The following LAIR1 variants were observed in gnomAD, a reference collection of about 807,000 sequenced individuals.
LAIR1 encodes the protein leukocyte-associated immunoglobulin-like receptor 1.
Under a neutral mutation model 32.8 loss-of-function variants are expected in LAIR1, and 24 were observed. That is an observed-to-expected ratio of 0.73 (90% CI 0.53 to 1.03). The LOEUF (loss-of-function observed/expected upper bound fraction) is 1.03. Among genes scored for constraint, LAIR1 ranks in the 50% least tolerant of loss-of-function variants. The pLI is 0.00. For missense variants in LAIR1, 355 were observed against 347.5 expected, an observed-to-expected ratio of 1.02 and a Z score of -0.17; for synonymous variants, 150 against 140.5, an observed-to-expected ratio of 1.07 and a Z score of -0.48.
Position 54,364,719 on chromosome 19 carries a change from T to C in LAIR1, c.34+52A>G. 1 of 1,510,956 alleles carries C rather than the reference T, an allele frequency of 6.6e-7. No homozygotes were observed. Among genetic ancestry groups the C allele is most frequent in the Non-Finnish European group, 9.2e-7 (1 of 1,090,164 alleles). 93.6% of individuals were successfully genotyped at this position (1,510,956 alleles called of 1,614,324 possible). On this transcript the variant is annotated intron_variant, in intron 1 of 9. Transcript: ENST00000391742. The surrounding 1 kb of genome is among the most constrained non-coding windows in gnomAD (Gnocchi z 4.8). ...TAGAGTCAGGCTTGAGCAGGGAATT[T>C]TCCAGACCTCCCGACCCCCTTTCCA...
chr19:54,360,560 G>A (rs1235294927), intron 3 of LAIR1: 3 of 426,750 alleles, frequency 7.0e-6, no homozygotes, highest in Middle Eastern at 6.1e-4. Flanking sequence ...AGGAATAAGC[G>A]GGACCATCCA....
chr19:54,375,151 G>A (rs1277074049), upstream of LAIR1, among the ~76,000 whole-genome samples: 2 of 152,174 alleles, frequency 1.3e-5, no homozygotes, highest in Non-Finnish European at 2.9e-5. Flanking sequence ...AGACAATGCC[G>A]TCCCGCCGTC....
At chr19:54,373,405 C>G (rs927762774), upstream of LAIR1, among the ~76,000 whole-genome samples, 1 of 151,664 alleles carries the variant, frequency 6.6e-6, no homozygotes, top group African/African-American at 2.4e-5. Context: ...GATCGCGCCA[C>G]TGCACTCCAG....
At chr19:54,371,861 G>A (rs564337328), upstream of LAIR1, among the ~76,000 whole-genome samples, 6 of 151,540 alleles carry the variant, frequency 4.0e-5, 1 homozygote, top group South Asian at 1.3e-3. Flanking sequence ...CTATAGTTTT[G>A]CCTTTTCCAG....
rs1240723006 is a variant in LAIR1 at position 54,354,231 on chromosome 19, G to C, written c.*1037C>G. ...GGCGTGTGAGTGTATGTGCATGTCT[G>C]TGTGTGTGCGTGTGTGTATGCATGT... On this transcript the variant is annotated 3_prime_UTR_variant, in exon 10 of 10. Coordinates refer to ENST00000391742, the MANE Select transcript of LAIR1 (RefSeq NM_002287.6). The C allele has an allele frequency of 6.6e-6, 1 of 152,184 alleles. No individual in the cohort carries two copies. The highest frequency in any genetic ancestry group is 1.5e-5 in the Non-Finnish European group (1 of 68,054). 9.4% of individuals were successfully genotyped at this position (152,184 alleles called of 1,614,324 possible).
rs775467187 is a variant in LAIR1, at chr19:54,356,927, C to T, written c.454+1G>A. On this transcript the variant is annotated splice_donor_variant, in intron 5 of 9. Coordinates refer to ENST00000391742, the MANE Select transcript of LAIR1 (RefSeq NM_002287.6). LOFTEE classifies it high-confidence loss of function. Reference sequence around the variant, plus strand: ...CATGCTCCACGGCCCCCATCACTCACGCTCATTGTGACTGTTGTCCGACGG... The same window carrying T: ...CATGCTCCACGGCCCCCATCACTCATGCTCATTGTGACTGTTGTCCGACGG... The T allele has an allele frequency of 1.3e-5, 21 of 1,613,954 alleles. No individual in the cohort carries two copies. Among genetic ancestry groups the T allele is most frequent in the Non-Finnish European group, 1.8e-5 (21 of 1,179,956 alleles).
upstream of LAIR1, among the ~76,000 whole-genome samples, chr19:54,375,478 G>A (rs36012517): frequency 0.24 from 36,054 of 152,058 alleles, 4,554 homozygotes; most frequent in East Asian, 0.44. Flanking sequence ...CTGTGACTGG[G>A]GTAAAGGAGA....
upstream of LAIR1, among the ~76,000 whole-genome samples, chr19:54,365,740 C>T (rs1169566211): frequency 2.0e-5 from 3 of 151,402 alleles, no homozygotes; most frequent in Non-Finnish European, 4.4e-5. Context: ...TGAGATTGCA[C>T]CATTGCCCTC....
chr19:54,360,873 G>C (rs778630414), intron 3 of LAIR1, 43 bp downstream of exon 3: 1 of 1,574,586 alleles, frequency 6.4e-7, no homozygotes, highest in Non-Finnish European at 8.7e-7. Flanking sequence ...ACAAGCTCGA[G>C]GGTCGAGCTG....
chr19:54,370,757 T>A (rs79404748), upstream of LAIR1, among the ~76,000 whole-genome samples: 1 of 151,156 alleles, frequency 6.6e-6, no homozygotes, highest in Non-Finnish European at 1.5e-5. Flanking sequence ...TTTTTTTTTT[T>A]ATTTTGCTTG....
At chr19:54,365,344 C>CAG (rs59741873), upstream of LAIR1, among the ~76,000 whole-genome samples, 68,240 of 151,830 alleles carry the variant, frequency 0.45, 15,579 homozygotes, top group South Asian at 0.48. Flanking sequence ...TTTAAGGAGA[C>CAG]TATTGGTGAG....
In LAIR1 at chr19:54,352,474, CAA is replaced by C. The variant is rs1332886066; in HGVS notation, c.*2792_*2793del. On this transcript the variant is annotated 3_prime_UTR_variant, in exon 10 of 10. Coordinates refer to ENST00000391742, the MANE Select transcript of LAIR1 (RefSeq NM_002287.6). ...CCCTGCGTTGGGCGGGTTGGCAAGT[CAA>C]GAGAAAAAACAAGCCCCTGCATCTA... 1 of 153,730 alleles carries C rather than the reference CAA, an allele frequency of 6.5e-6. No homozygotes were observed. The highest frequency in any genetic ancestry group is 1.5e-5 in the Non-Finnish European group (1 of 68,066). The allele number at this position is 153,730 out of a possible 1,614,324, so 9.5% of individuals were successfully genotyped here.
chr19:54,371,543 C>A (rs1252810892), upstream of LAIR1, among the ~76,000 whole-genome samples: 1 of 151,514 alleles, frequency 6.6e-6, no homozygotes, highest in Non-Finnish European at 1.5e-5. Flanking sequence ...AGGTGATCTG[C>A]CCGCCTCAGC....
chr19:54,356,320 G>A, intron 7 of LAIR1, 36 bp downstream of exon 7: 1 of 1,604,128 alleles, frequency 6.2e-7, no homozygotes, highest in Non-Finnish European at 8.5e-7. Context: ...GCCGAGGACT[G>A]GGTGGAGGTC....
At chr19:54,359,687 G>A (rs1338334969) in intron 4 of LAIR1, among the ~76,000 whole-genome samples, 1 of 152,344 alleles carries the variant, frequency 6.6e-6, no homozygotes, top group East Asian at 1.9e-4. Context: ...CCCCTTCATG[G>A]CCTTGTGCCG....
At chr19:54,370,518 A>G (rs1004062823) in exon 1 of LAIR1, 4 of 404,364 alleles carry the variant, frequency 9.9e-6, no homozygotes, top group African/African-American at 6.4e-5. Context: ...TTACCAAGAC[A>G]TAGCGGGTGT....
At chr19:54,373,216 G>A (rs1315029043), upstream of LAIR1, among the ~76,000 whole-genome samples, 3 of 151,214 alleles carry the variant, frequency 2.0e-5, 1 homozygote, top group African/African-American at 7.4e-5. Context: ...GCCAAGGCGG[G>A]CAGATCACGA....
chr19:54,356,208 G>A lies in LAIR1; in HGVS notation c.664+22C>T, dbSNP rs776554893. The A allele has an allele frequency of 5.0e-6, 8 of 1,605,538 alleles. No individual in the cohort carries two copies. In the African/African-American group the frequency reaches 8.1e-5, roughly 16 times the overall value. On this transcript the variant is annotated intron_variant, in intron 8 of 9. Coordinates refer to ENST00000391742, the MANE Select transcript of LAIR1 (RefSeq NM_002287.6). ...GTCCCCACTTCCCCATCCCAGGCCT[G>A]TCCCTCCTCCTCCCCCTTTACCTGC...
rs951537638 is a variant in LAIR1, at chr19:54,364,544, C to A, written c.35-214G>T. ...CTCCTCCTCCAAAAAGGCTCCTGCT[C>A]CCCCAGCCCTTCTTAAAGCTGACCT... On this transcript the variant is annotated intron_variant, in intron 1 of 9. Coordinates refer to ENST00000391742, the MANE Select transcript of LAIR1 (RefSeq NM_002287.6). This position sits in a 1 kb window ranked among gnomAD's most constrained non-coding sequence, Gnocchi z 4.8. The A allele has an allele frequency of 2.5e-6, 2 of 797,610 alleles. No homozygotes were observed. Among genetic ancestry groups the A allele is most frequent in the South Asian group, 2.9e-5 (2 of 69,100 alleles). 49.4% of individuals were successfully genotyped at this position (797,610 alleles called of 1,614,324 possible).
Sources: allele counts gnomAD v4.1 joint callset (sites outside exome capture counted in the v4.1 genomes callset), GRCh38; gene constraint gnomAD v4.1.1; non-coding constraint Gnocchi (gnomAD v3.1); transcripts MANE v1.5; gene names NCBI Gene and HGNC (gene_info 2026-07-23, HGNC 2026-07-21).